Variants in GRID1 observed in about 807,000 individuals in gnomAD.
The protein encoded by GRID1 is glutamate receptor ionotropic, delta-1.
In GRID1, 28 loss-of-function variants were observed where a neutral mutation model predicts 98.0. That is an observed-to-expected ratio of 0.29 (90% CI 0.21 to 0.39). GRID1 has a LOEUF of 0.39. Among genes scored for constraint, GRID1 ranks in the 10% least tolerant of loss-of-function variants. The pLI is 1.00. For synonymous variants in GRID1, 553 were observed against 538.5 expected, an observed-to-expected ratio of 1.03 and a Z score of -0.37; for missense variants, 1,111 against 1,340.5, an observed-to-expected ratio of 0.83 and a Z score of 2.67.
chr10:86,233,878 G>A (rs572233818), intron 2 of GRID1, among the ~76,000 whole-genome samples: 120 of 148,860 alleles, frequency 8.1e-4, no homozygotes, highest in African/African-American at 2.9e-3. Flanking sequence ...TTGTCCCCAG[G>A]TCCCTTGGTG....
At chr10:85,982,689 G>A (rs1477905842) in intron 4 of GRID1, among the ~76,000 whole-genome samples, 2 of 152,134 alleles carry the variant, frequency 1.3e-5, no homozygotes, top group South Asian at 2.1e-4. Context: ...TATCCAGTAG[G>A]AGCATAACAG....
At chr10:85,968,431 A>G (rs1384740227) in intron 4 of GRID1, among the ~76,000 whole-genome samples, 1 of 142,866 alleles carries the variant, frequency 7.0e-6, no homozygotes, top group Non-Finnish European at 1.5e-5. Flanking sequence ...AGCCTGGACG[A>G]CACAGCAAGA....
intron 4 of GRID1, among the ~76,000 whole-genome samples, chr10:85,972,630 A>G (rs1375899497): frequency 6.6e-6 from 1 of 151,934 alleles, no homozygotes; most frequent in Non-Finnish European, 1.5e-5. Flanking sequence ...TTGCGTGGCT[A>G]TTCCATAATG....
intron 3 of GRID1, among the ~76,000 whole-genome samples, chr10:86,181,638 T>C (rs1452382928): frequency 3.9e-5 from 6 of 152,154 alleles, no homozygotes; most frequent in African/African-American, 1.4e-4. Context: ...GTGAAAAGTA[T>C]GGACTTTCCC....
At position 85,729,536 on chromosome 10, in the gene GRID1, T is replaced by C; in HGVS notation, c.1312A>G (p.Thr438Ala). 6.2e-7 allele frequency: 1 copy of C among 1,609,960 alleles called. No homozygotes were observed. Among genetic ancestry groups the C allele is most frequent in the East Asian group, 2.2e-5 (1 of 44,834 alleles). ...RPMGSRLQGLTLKVVTVLEEP... is the reference protein window; with the variant it reads ...RPMGSRLQGLALKVVTVLEEP... ...ACCAAGACAGTCACCACTTTAAGAGTCAATCCTTGGAGGCGGCTGCCCATG... is the reference window on the plus strand; with the variant it reads ...ACCAAGACAGTCACCACTTTAAGAGCCAATCCTTGGAGGCGGCTGCCCATG... Residue 438 changes from threonine to alanine, a missense_variant, in exon 9 of 16, where the codon ACT (threonine) becomes GCT (alanine). This residue lies in a region of GRID1 where 762 missense variants were observed against 869.1 expected (regional missense o/e 0.88). Transcript: ENST00000327946.
chr10:85,922,484 G>A (rs895224881), intron 4 of GRID1, among the ~76,000 whole-genome samples: 1 of 152,222 alleles, frequency 6.6e-6, no homozygotes, highest in Non-Finnish European at 1.5e-5. Flanking sequence ...AACACTGGGA[G>A]CCTGAGATAA....
At chr10:86,330,736 G>C (rs911178466) in intron 2 of GRID1, among the ~76,000 whole-genome samples, 2 of 152,214 alleles carry the variant, frequency 1.3e-5, no homozygotes, top group African/African-American at 2.4e-5. Context: ...CTCAGGTGAG[G>C]CCAGATGCCG....
intron 4 of GRID1, among the ~76,000 whole-genome samples, chr10:85,972,762 A>G (rs1383770138): frequency 6.6e-6 from 1 of 152,124 alleles, no homozygotes; most frequent in South Asian, 2.1e-4. Context: ...AGGTTAGGAT[A>G]AATTTTAACA....
chr10:85,607,883 T>C (rs1842690988), intron 15 of GRID1, among the ~76,000 whole-genome samples: 1 of 150,486 alleles, frequency 6.6e-6, no homozygotes, highest in African/African-American at 2.4e-5. Context: ...AGTGGCCCAA[T>C]CTCGGCTCAC....
intron 2 of GRID1, among the ~76,000 whole-genome samples, chr10:86,207,869 A>T (rs1846055014): frequency 6.6e-6 from 1 of 151,970 alleles, no homozygotes; most frequent in Admixed American, 6.5e-5. Context: ...TGACCTCGTG[A>T]TCCGCCCGTC....
chr10:86,039,014 T>A (rs916573210), intron 4 of GRID1, among the ~76,000 whole-genome samples: 4 of 152,194 alleles, frequency 2.6e-5, no homozygotes, highest in Admixed American at 6.5e-5. Context: ...TCCACCCCTA[T>A]TCTCTTCCAC....
intron 5 of GRID1, among the ~76,000 whole-genome samples, chr10:85,885,069 G>T (rs1044370497): frequency 6.6e-6 from 1 of 152,152 alleles, no homozygotes; most frequent in Non-Finnish European, 1.5e-5. Flanking sequence ...ATAATAAAAA[G>T]AATCGCTGTC....
chr10:86,265,987 G>A (rs1847097388), intron 2 of GRID1, among the ~76,000 whole-genome samples: 1 of 152,046 alleles, frequency 6.6e-6, no homozygotes, highest in South Asian at 2.1e-4. Context: ...TCAGCCCTCT[G>A]AGATCCAGGG....
At chr10:86,182,069 C>T (rs1399327036) in intron 3 of GRID1, among the ~76,000 whole-genome samples, 3 of 152,212 alleles carry the variant, frequency 2.0e-5, no homozygotes, top group Non-Finnish European at 2.9e-5. Flanking sequence ...ACTCCGCACT[C>T]GACCCCTGCA....
chr10:86,047,596 T>C (rs909099594), intron 4 of GRID1, among the ~76,000 whole-genome samples: 9 of 152,020 alleles, frequency 5.9e-5, no homozygotes, highest in Non-Finnish European at 1.0e-4. Context: ...TGTTATGAAG[T>C]AAACATTAAG....
chr10:85,632,724 T>A (rs936056755), intron 13 of GRID1, among the ~76,000 whole-genome samples: 28 of 152,188 alleles, frequency 1.8e-4, no homozygotes, highest in Admixed American at 6.5e-4. Context: ...TGGTATTTTT[T>A]AAAAATTATT....
At chr10:85,805,825 T>G (rs1265668970) in intron 8 of GRID1, among the ~76,000 whole-genome samples, 1 of 151,770 alleles carries the variant, frequency 6.6e-6, no homozygotes, top group African/African-American at 2.4e-5. Context: ...TACAAAACAA[T>G]AATTCAAAAT....
At chr10:85,843,714 C>G (rs947017114) in intron 8 of GRID1, among the ~76,000 whole-genome samples, 8 of 152,022 alleles carry the variant, frequency 5.3e-5, no homozygotes, top group African/African-American at 1.9e-4. Flanking sequence ...CACTGACCAT[C>G]AGTGAAGTGC....
At chr10:86,132,892 G>T (rs1844859663) in intron 4 of GRID1, among the ~76,000 whole-genome samples, 1 of 152,178 alleles carries the variant, frequency 6.6e-6, no homozygotes, top group Non-Finnish European at 1.5e-5. Context: ...GAGAGGTGTT[G>T]GGAGTGGCCC....
Sources: allele counts gnomAD v4.1 joint callset (sites outside exome capture counted in the v4.1 genomes callset), GRCh38; gene constraint gnomAD v4.1.1; regional missense constraint gnomAD v4.1.1; transcripts MANE v1.5; gene names NCBI Gene and HGNC (gene_info 2026-07-23, HGNC 2026-07-21).